Variants in MACROH2A1 observed in about 807,000 individuals in gnomAD.
MACROH2A1 encodes the protein macroH2A.1 histone.
In MACROH2A1, 2 loss-of-function variants were observed where a neutral mutation model predicts 31.6. The ratio of observed to expected loss-of-function variants is 0.06; its 90% CI spans 0.03 to 0.20. MACROH2A1 has a LOEUF of 0.20. Among genes scored for constraint, MACROH2A1 ranks in the 10% least tolerant of loss-of-function variants. MACROH2A1 has a pLI of 1.00. For missense variants in MACROH2A1, 230 were observed against 474.0 expected, an observed-to-expected ratio of 0.49 and a Z score of 4.78; for synonymous variants, 169 against 189.6, an observed-to-expected ratio of 0.89 and a Z score of 0.89.
At chr5:135,366,847 A>G (rs1763565899) in intron 4 of MACROH2A1, among the ~76,000 whole-genome samples, 1 of 152,148 alleles carries the variant, frequency 6.6e-6, no homozygotes, top group African/African-American at 2.4e-5. Context: ...CATTTTATAG[A>G]TGGAGGTAAA....
chr5:135,360,291 C>T (rs1762669116), intron 5 of MACROH2A1: 1 of 587,948 alleles, frequency 1.7e-6, no homozygotes, highest in Non-Finnish European at 3.0e-6. Context: ...TGTCTCCCTT[C>T]CCCAGCTGCC....
Position 135,370,141 on chromosome 5 carries a change from C to T in MACROH2A1, c.174G>A (p.Ala58=), listed in dbSNP as rs141756450. The T allele has an allele frequency of 1.4e-5, 23 of 1,601,278 alleles. No individual in the cohort carries two copies. The highest frequency in any genetic ancestry group is 3.3e-5 in the South Asian group (3 of 90,326). The change falls in exon 3 of 9, where the codon GCG becomes GCA. Residue 58 remains alanine (A), a splice_region_variant and synonymous_variant. Transcript: ENST00000511689. ...YMAAVLEYLT[A]EILELAGNAA... is the part of the protein sequence containing the mutation. ...CATTGCCAGCCAGCTCCAGAATCTC[C>T]GCTGTGGGGAGCAGAGATGAGTGTA...
chr5:135,342,797 AT>A (rs1195067140), intron 8 of MACROH2A1, among the ~76,000 whole-genome samples: 7 of 152,226 alleles, frequency 4.6e-5, no homozygotes, highest in Non-Finnish European at 1.0e-4. Flanking sequence ...GAGGTGAAAT[AT>A]ACTTGTGAGT....
Position 135,334,935 on chromosome 5 carries a change from A to AG in MACROH2A1, c.*40dup, listed in dbSNP as rs1184562870. The AG allele has an allele frequency of 4.5e-6, 7 of 1,551,318 alleles. No individual in the cohort carries two copies. The highest frequency in any genetic ancestry group is 6.2e-6 in the Non-Finnish European group (7 of 1,134,964). On this transcript the variant is annotated 3_prime_UTR_variant, in exon 9 of 9. Transcript: ENST00000511689. ...GGATTTTTTTTTTCTTTTAAACTGA[A>AG]GGTGGGGTACATGGTGCAGCTGGTT... is the stretch of plus-strand genomic sequence containing the variant.
At chr5:135,353,663 G>A (rs1761850448) in intron 5 of MACROH2A1, 1 of 152,224 alleles carries the variant, frequency 6.6e-6, no homozygotes, top group African/African-American at 2.4e-5. Context: ...GTGAAACCCA[G>A]GGGAGGAAGG....
intron 8 of MACROH2A1, among the ~76,000 whole-genome samples, chr5:135,339,624 G>A (rs1025077277): frequency 1.3e-5 from 2 of 152,162 alleles, no homozygotes; most frequent in Non-Finnish European, 2.9e-5. Context: ...TGTCACTTAG[G>A]GTATAGACAT....
At chr5:135,386,369 T>C (rs1766404502) in intron 2 of MACROH2A1, among the ~76,000 whole-genome samples, 2 of 152,220 alleles carry the variant, frequency 1.3e-5, no homozygotes, top group African/African-American at 4.8e-5. Context: ...GCAGGCATGG[T>C]CATGCCAATG....
chr5:135,368,733 G>T (rs1231583387), intron 4 of MACROH2A1, among the ~76,000 whole-genome samples: 1 of 152,198 alleles, frequency 6.6e-6, no homozygotes, highest in African/African-American at 2.4e-5. Context: ...AGACAGGTGA[G>T]CACAGCAATC....
intron 1 of MACROH2A1, among the ~76,000 whole-genome samples, chr5:135,396,803 AGGAAATCTTTAT>A (rs1262617397): frequency 6.6e-6 from 1 of 152,090 alleles, no homozygotes; most frequent in Non-Finnish European, 1.5e-5. Flanking sequence ...GCTGATTCTC[AGGAAATCTTTAT>A]GGAAAGACTC....
chr5:135,396,222 C>G (rs947812911), intron 1 of MACROH2A1, among the ~76,000 whole-genome samples: 1 of 152,216 alleles, frequency 6.6e-6, no homozygotes, highest in Non-Finnish European at 1.5e-5. Context: ...ACCAGTCTCA[C>G]GGAAGGCTAT....
intron 8 of MACROH2A1, among the ~76,000 whole-genome samples, chr5:135,342,207 C>CCTGA (rs1283635184): frequency 6.6e-6 from 1 of 152,196 alleles, no homozygotes; most frequent in Admixed American, 6.5e-5. Flanking sequence ...GTGGCTCTGC[C>CCTGA]CTGACAGGTC....
At chr5:135,393,754 T>C (rs181337479) in intron 1 of MACROH2A1, among the ~76,000 whole-genome samples, 1 of 152,352 alleles carries the variant, frequency 6.6e-6, no homozygotes, top group East Asian at 1.9e-4. Flanking sequence ...ACTGCCCTTT[T>C]GGCTGTTATT....
chr5:135,389,160 C>G, intron 1 of MACROH2A1, 34 bp from the exon 2 acceptor site: 2 of 1,515,456 alleles, frequency 1.3e-6, no homozygotes, highest in Non-Finnish European at 1.8e-6. Context: ...GTCAGGGTGG[C>G]TGGGGACAGC....
chr5:135,370,514 A>C (rs1193078845), intron 2 of MACROH2A1, among the ~76,000 whole-genome samples: 1 of 150,668 alleles, frequency 6.6e-6, no homozygotes, highest in Admixed American at 6.6e-5. Flanking sequence ...CAAAGTCCTC[A>C]GTGTGGTCCC....
chr5:135,397,259 G>A (rs928112691), intron 1 of MACROH2A1, among the ~76,000 whole-genome samples: 2 of 152,090 alleles, frequency 1.3e-5, no homozygotes, highest in Admixed American at 6.5e-5. Flanking sequence ...AATGCGAGGC[G>A]CTCCTCAAGT....
intron 5 of MACROH2A1, chr5:135,358,714 A>G: frequency 7.5e-6 from 7 of 934,794 alleles, no homozygotes; most frequent in Non-Finnish European, 8.9e-6. Context: ...TATGTTTGTA[A>G]TTTATTATAG....
intron 8 of MACROH2A1, among the ~76,000 whole-genome samples, chr5:135,339,282 T>TG (rs961657906): frequency 7.2e-5 from 11 of 152,140 alleles, no homozygotes; most frequent in Non-Finnish European, 1.6e-4. Flanking sequence ...CAGTAATGGC[T>TG]GGGGGGTGTA....
intron 6 of MACROH2A1, among the ~76,000 whole-genome samples, chr5:135,347,990 C>A (rs1404394398): frequency 6.6e-6 from 1 of 152,182 alleles, no homozygotes; most frequent in Admixed American, 6.5e-5. Flanking sequence ...ATGGGCTGAT[C>A]TATAATTAAA....
intron 2 of MACROH2A1, among the ~76,000 whole-genome samples, chr5:135,380,851 A>C (rs2149908548): frequency 6.6e-6 from 1 of 152,384 alleles, no homozygotes; most frequent in South Asian, 2.1e-4. Context: ...AACATGGATT[A>C]TCTCCTGGGA....
Sources: allele counts gnomAD v4.1 joint callset (sites outside exome capture counted in the v4.1 genomes callset), GRCh38; gene constraint gnomAD v4.1.1; transcripts MANE v1.5; gene names NCBI Gene and HGNC (gene_info 2026-07-23, HGNC 2026-07-21).